Variants in GTPBP10 observed in about 807,000 individuals in gnomAD.
The protein encoded by GTPBP10 is GTP binding protein 10, also known as GTP-binding protein 10.
A neutral mutation model predicts 44.8 loss-of-function variants in GTPBP10; 38 were observed. The ratio of observed to expected loss-of-function variants is 0.85; its 90% CI spans 0.65 to 1.11. The LOEUF (loss-of-function observed/expected upper bound fraction) is 1.11. Ranked by LOEUF, GTPBP10 falls within the 50% of genes most tolerant of loss-of-function variation. The pLI, the probability that GTPBP10 is intolerant of heterozygous loss-of-function variation, is 0.00. For synonymous variants in GTPBP10, 152 were observed against 150.6 expected (o/e 1.01, Z -0.07); for missense variants, 462 against 453.7 (o/e 1.02, Z -0.17).
chr7:90,370,575 CTA>C (rs1469520841), intron 4 of GTPBP10, among the ~76,000 whole-genome samples: 6 of 152,028 alleles, frequency 3.9e-5, no homozygotes, highest in Non-Finnish European at 7.4e-5. Flanking sequence ...GGATGAAAAA[CTA>C]TCTGTTGGGT....
At chr7:90,368,171 C>T (rs1464345678) in intron 4 of GTPBP10, among the ~76,000 whole-genome samples, 15 of 152,160 alleles carry the variant, frequency 9.9e-5, no homozygotes. Flanking sequence ...GATGGGCTTC[C>T]CTTTGTGGGT....
chr7:90,352,661 A>G (rs1030529575), intron 1 of GTPBP10, among the ~76,000 whole-genome samples, 155 bp from the exon 2 acceptor site: 2 of 152,252 alleles, frequency 1.3e-5, no homozygotes, highest in African/African-American at 4.8e-5. Context: ...CAGATCGGAG[A>G]TGTGGAGGTG....
At chr7:90,361,214 T>C (rs1796013497) in intron 4 of GTPBP10, among the ~76,000 whole-genome samples, 1 of 152,162 alleles carries the variant, frequency 6.6e-6, no homozygotes, top group African/African-American at 2.4e-5. Context: ...GTTGTGCTGG[T>C]TTTCAAAGGG....
chr7:90,358,846 A>G (rs1355640429), intron 4 of GTPBP10, among the ~76,000 whole-genome samples: 1 of 152,218 alleles, frequency 6.6e-6, no homozygotes, highest in Non-Finnish European at 1.5e-5. Context: ...TTTGCAAACT[A>G]CGCATCTAAC....
intron 4 of GTPBP10, among the ~76,000 whole-genome samples, chr7:90,357,662 C>T (rs1795930543): frequency 6.6e-6 from 1 of 152,126 alleles, no homozygotes; most frequent in Admixed American, 6.5e-5. Context: ...ATCATTTTGT[C>T]TCATTGCTCA....
At chr7:90,350,572 T>G (rs544969887) in intron 1 of GTPBP10, among the ~76,000 whole-genome samples, 2 of 152,366 alleles carry the variant, frequency 1.3e-5, no homozygotes, top group South Asian at 4.1e-4. Flanking sequence ...TTCCTTTTGC[T>G]TTTAAGTTGT....
chr7:90,348,350 C>A (rs1795721808), intron 1 of GTPBP10, among the ~76,000 whole-genome samples: 2 of 152,198 alleles, frequency 1.3e-5, no homozygotes, highest in African/African-American at 2.4e-5. Flanking sequence ...CAACTCCCCC[C>A]ACAAAACAAC....
intron 1 of GTPBP10, among the ~76,000 whole-genome samples, chr7:90,351,368 C>G (rs575537375): frequency 3.0e-4 from 46 of 152,146 alleles, no homozygotes; most frequent in African/African-American, 9.9e-4. Context: ...TTGTTTGTGG[C>G]CAGGAGTTTG....
intron 4 of GTPBP10, among the ~76,000 whole-genome samples, chr7:90,361,713 T>C (rs1796024712): frequency 6.6e-6 from 1 of 152,232 alleles, no homozygotes; most frequent in South Asian, 2.1e-4. Context: ...TGGTACCAGC[T>C]CCTCCTTGTA....
Position 90,368,381 on chromosome 7 carries a change from A to G in GTPBP10, c.465-3774A>G, listed in dbSNP as rs183867848. Among the ~76,000 whole-genome samples, 25 of 152,308 alleles carry G rather than the reference A, an allele frequency of 1.6e-4. 2 individuals carry two copies. The East Asian group carries it at 4.2e-3, about 26-fold the overall frequency. ...AATAATATCCTGAAGAGTGTTTTCT[A>G]ACTTGGATCCATTCTCCCAGTCACT... On this transcript the variant is annotated intron_variant, in intron 4 of 9. Transcript: ENST00000222511.
At chr7:90,370,987 C>T (rs2115719499) in intron 4 of GTPBP10, among the ~76,000 whole-genome samples, 1 of 149,700 alleles carries the variant, frequency 6.7e-6, no homozygotes, top group African/African-American at 2.5e-5. Flanking sequence ...GCCTGGGCAA[C>T]AGAGCGAGAC....
intron 5 of GTPBP10, 129 bp from the exon 6 acceptor site, chr7:90,374,173 G>A (rs949917355): frequency 1.4e-6 from 1 of 712,544 alleles, no homozygotes; most frequent in Admixed American, 2.4e-5. Context: ...GATAATAATA[G>A]TTTCCATTTT....
intron 8 of GTPBP10, among the ~76,000 whole-genome samples, chr7:90,381,733 A>T (rs1323239942): frequency 6.6e-6 from 1 of 152,198 alleles, no homozygotes; most frequent in Non-Finnish European, 1.5e-5. Context: ...AACCAATGGA[A>T]CAGAATCCAG....
intron 4 of GTPBP10, among the ~76,000 whole-genome samples, chr7:90,368,583 C>T (rs774450481): frequency 6.6e-6 from 1 of 152,108 alleles, no homozygotes; most frequent in South Asian, 2.1e-4. Flanking sequence ...TTGATCCAGT[C>T]GGCTATTGAA....
At position 90,385,277 on chromosome 7, in the gene GTPBP10, G is replaced by A; in HGVS notation, c.*123G>A. On this transcript the variant is annotated 3_prime_UTR_variant, in exon 10 of 10. Coordinates refer to ENST00000222511, the MANE Select transcript of GTPBP10 (RefSeq NM_033107.4). ...AGCCAGGCTTAGAAAGACAAATGCT[G>A]CATAATCTCACTGTGGAATCTTAAG... 2 of 648,272 alleles carry A rather than the reference G, an allele frequency of 3.1e-6. No individual in the cohort carries two copies. The highest frequency in any genetic ancestry group is 2.3e-5 in the South Asian group (1 of 43,270). The allele number at this position is 648,272 out of a possible 1,614,324, so 40.2% of individuals were successfully genotyped here. A position where few individuals can be genotyped will look rare whatever the true frequency, so the allele number is the denominator to read the frequency against.
In GTPBP10 at chr7:90,385,981, ACG is replaced by A. The variant is rs1430235628; in HGVS notation, c.*830_*831del. On this transcript the variant is annotated 3_prime_UTR_variant, in exon 10 of 10. Coordinates refer to ENST00000222511, the MANE Select transcript of GTPBP10 (RefSeq NM_033107.4). Reference sequence around the variant, plus strand: ...AGGCTGAGGCAGGAGAATTGCTTGAACGCGGGAGGTGGAGGATACAATGAACC... The same window carrying A: ...AGGCTGAGGCAGGAGAATTGCTTGAACGGGAGGTGGAGGATACAATGAACC... 6.6e-6 allele frequency: 1 copy of A among 151,982 alleles called. No homozygotes were observed. The highest frequency in any genetic ancestry group is 1.5e-5 in the Non-Finnish European group (1 of 68,002). The allele number at this position is 151,982 out of a possible 1,614,324, so 9.4% of individuals were successfully genotyped here. A position where few individuals can be genotyped will look rare whatever the true frequency, so the allele number is the denominator to read the frequency against.
intron 4 of GTPBP10, among the ~76,000 whole-genome samples, chr7:90,371,534 CTG>C (rs912295122): frequency 2.6e-5 from 4 of 152,090 alleles, no homozygotes; most frequent in African/African-American, 9.7e-5. Flanking sequence ...AAAAGAAACT[CTG>C]TAGGACAACT....
At chr7:90,358,119 T>C (rs770683512) in intron 4 of GTPBP10, among the ~76,000 whole-genome samples, 3 of 152,152 alleles carry the variant, frequency 2.0e-5, no homozygotes, top group Non-Finnish European at 2.9e-5. Flanking sequence ...CACAAATCAA[T>C]AGCACTGCTA....
rs552562645 is a variant in GTPBP10 at position 90,365,923 on chromosome 7, T to A, written c.465-6232T>A. Among the ~76,000 whole-genome samples, 41 of 152,288 alleles carry A rather than the reference T, an allele frequency of 2.7e-4. 1 individual carries two copies. In the South Asian group the frequency reaches 8.5e-3, roughly 32 times the overall value. ...GTTTGTCATAAATAGCCCTTAATAT[T>A]TTGAGATACATTCTGTTGATACCTA... On this transcript the variant is annotated intron_variant, in intron 4 of 9. Transcript: ENST00000222511.
Sources: allele counts gnomAD v4.1 joint callset (sites outside exome capture counted in the v4.1 genomes callset), GRCh38; gene constraint gnomAD v4.1.1; transcripts MANE v1.5; gene names NCBI Gene and HGNC (gene_info 2026-07-23, HGNC 2026-07-21).